Variants in NELL1 observed in about 807,000 individuals in gnomAD.
The protein encoded by NELL1 is neural EGFL like 1.
In NELL1, 76 loss-of-function variants were observed where a neutral mutation model predicts 107.4. That is an observed-to-expected ratio of 0.71 (90% CI 0.59 to 0.86). The LOEUF is 0.86. Ranked by LOEUF, NELL1 falls within the 40% of genes least tolerant of loss-of-function variation. The pLI, the probability that NELL1 is intolerant of heterozygous loss-of-function variation, is 0.00. For missense variants in NELL1, 1,024 were observed against 1,005.5 expected, an observed-to-expected ratio of 1.02 and a Z score of -0.25; for synonymous variants, 353 against 341.2, an observed-to-expected ratio of 1.03 and a Z score of -0.38.
chr11:20,886,512 G>A lies in NELL1; in HGVS notation c.603+972G>A, dbSNP rs1590380833. On this transcript the variant is annotated intron_variant, in intron 5 of 19. Transcript: ENST00000357134. ...TGTACTTATACGAAAGGAATTCCTT[G>A]GGGACCAAATATATGGAGGGGAGAG... 2.0e-5 allele frequency among the ~76,000 whole-genome samples: 3 copies of A among 152,050 alleles called. No individual in the cohort carries two copies. In the East Asian group the frequency reaches 5.8e-4, roughly 29 times the overall value.
intron 3 of NELL1, among the ~76,000 whole-genome samples, chr11:20,822,279 A>G (rs1857772901): frequency 6.6e-6 from 1 of 152,242 alleles, no homozygotes; most frequent in Non-Finnish European, 1.5e-5. Context: ...ATCAGGACTC[A>G]GAGAGCACTT....
intron 12 of NELL1, among the ~76,000 whole-genome samples, chr11:21,098,263 A>G (rs969646150): frequency 3.3e-5 from 5 of 152,096 alleles, no homozygotes; most frequent in African/African-American, 1.2e-4. Flanking sequence ...ATCTTTTATG[A>G]CATCTTGTGT....
intron 3 of NELL1, among the ~76,000 whole-genome samples, chr11:20,834,164 A>G (rs1848486428): frequency 6.6e-6 from 1 of 152,192 alleles, no homozygotes; most frequent in African/African-American, 2.4e-5. Flanking sequence ...GTTGGTGGAT[A>G]AGATAAGGAT....
chr11:21,294,314 G>A (rs149154056), intron 14 of NELL1, among the ~76,000 whole-genome samples: 51 of 152,036 alleles, frequency 3.4e-4, no homozygotes, highest in African/African-American at 1.2e-3. Context: ...AAAAGTTGTC[G>A]AACTAGTCTC....
At chr11:21,538,738 TC>T (rs369651240) in intron 16 of NELL1, among the ~76,000 whole-genome samples, 96 of 152,228 alleles carry the variant, frequency 6.3e-4, no homozygotes, top group African/African-American at 2.2e-3. Context: ...GTTATCTGGG[TC>T]ATTTAGAAAT....
chr11:21,570,896 A>C lies in NELL1; in HGVS notation c.2113A>C (p.Ser705Arg). 2 of 1,611,868 alleles carry C rather than the reference A, an allele frequency of 1.2e-6. No homozygotes were observed. The highest frequency in any genetic ancestry group is 1.7e-6 in the Non-Finnish European group (2 of 1,178,570). Residue 705 changes from serine to arginine, a missense_variant, in exon 18 of 20, where the codon AGT becomes CGT. Transcript: ENST00000357134. ...CCAAAATGGTCACAAGCTGTATCGA[A>C]GTGGAGACAATTGGACCCATAGCTG... is the stretch of plus-strand genomic sequence containing the variant. ...LDQNGHKLYR[S>R]GDNWTHSCQQ...
intron 15 of NELL1, among the ~76,000 whole-genome samples, chr11:21,420,094 A>G (rs1852624485): frequency 6.6e-6 from 1 of 152,024 alleles, no homozygotes; most frequent in Non-Finnish European, 1.5e-5. Context: ...ACAAAAACAT[A>G]TTGCACACTT....
chr11:21,366,159 A>G (rs1021594528), intron 14 of NELL1, among the ~76,000 whole-genome samples: 2 of 152,188 alleles, frequency 1.3e-5, no homozygotes, highest in African/African-American at 4.8e-5. Context: ...TATTATTTAC[A>G]GAGCTGGGTT....
chr11:21,279,649 G>T (rs906512596), intron 14 of NELL1, among the ~76,000 whole-genome samples: 2 of 152,072 alleles, frequency 1.3e-5, no homozygotes, highest in South Asian at 2.1e-4. Context: ...CCATCACTTT[G>T]GAAAAAAGCA....
intron 2 of NELL1, among the ~76,000 whole-genome samples, chr11:20,760,646 A>G (rs925399621): frequency 6.6e-6 from 1 of 152,210 alleles, no homozygotes; most frequent in African/African-American, 2.4e-5. Flanking sequence ...GATGGATGTC[A>G]GCTCCTAGAT....
At chr11:20,722,964 A>G (rs1855425954) in intron 2 of NELL1, among the ~76,000 whole-genome samples, 1 of 152,312 alleles carries the variant, frequency 6.6e-6, no homozygotes, top group African/African-American at 2.4e-5. Context: ...CTTACATAAC[A>G]GCAGGAGAGA....
intron 13 of NELL1, among the ~76,000 whole-genome samples, chr11:21,224,044 C>T (rs897808170): frequency 6.6e-6 from 1 of 152,114 alleles, no homozygotes; most frequent in South Asian, 2.1e-4. Context: ...AGTCTGATGG[C>T]ATATCCTTAT....
chr11:21,218,682 C>A (rs1040770292), intron 13 of NELL1, among the ~76,000 whole-genome samples: 1 of 152,178 alleles, frequency 6.6e-6, no homozygotes, highest in East Asian at 1.9e-4. Flanking sequence ...CACAAGTCTA[C>A]ACTATACTTT....
At chr11:21,245,773 A>G (rs1466070475) in intron 14 of NELL1, among the ~76,000 whole-genome samples, 1 of 152,184 alleles carries the variant, frequency 6.6e-6, no homozygotes, top group Non-Finnish European at 1.5e-5. Context: ...ACCTATTTTG[A>G]CTGCTTGGCA....
At chr11:21,113,023 A>C (rs572717205) in intron 12 of NELL1, among the ~76,000 whole-genome samples, 1 of 152,138 alleles carries the variant, frequency 6.6e-6, no homozygotes, top group East Asian at 1.9e-4. Context: ...CCATTATTCT[A>C]TCACATGGGG....
chr11:21,408,710 G>C (rs1852293496), intron 15 of NELL1, among the ~76,000 whole-genome samples: 1 of 151,994 alleles, frequency 6.6e-6, no homozygotes, highest in South Asian at 2.1e-4. Context: ...TGTTGCCATT[G>C]CTTTTGGTGT....
chr11:21,012,832 T>A (rs1346159272), intron 12 of NELL1, among the ~76,000 whole-genome samples: 1 of 152,060 alleles, frequency 6.6e-6, no homozygotes, highest in African/African-American at 2.4e-5. Context: ...ATCTGATCCA[T>A]CAGAATGCAG....
At chr11:20,758,327 T>A (rs1423376594) in intron 2 of NELL1, among the ~76,000 whole-genome samples, 1 of 152,114 alleles carries the variant, frequency 6.6e-6, no homozygotes, top group African/African-American at 2.4e-5. Flanking sequence ...TCAGAATGTG[T>A]CCTGTGGCCT....
intron 3 of NELL1, among the ~76,000 whole-genome samples, chr11:20,805,666 C>A (rs985679090): frequency 2.6e-5 from 4 of 152,166 alleles, no homozygotes; most frequent in Non-Finnish European, 2.9e-5. Context: ...CCATGCCCAG[C>A]TAATTTTTTG....
Sources: gnomAD v4.1 joint callset for allele counts (sites outside exome capture counted in the v4.1 genomes callset) on GRCh38, gnomAD v4.1.1 for gene constraint, MANE v1.5 for transcripts, NCBI Gene and HGNC (gene_info 2026-07-23, HGNC 2026-07-21) for gene names.